The following KCNU1 variants were observed in gnomAD, a reference collection of about 807,000 sequenced individuals.
KCNU1 encodes the protein potassium calcium-activated channel subfamily U member 1, also known as potassium channel subfamily U member 1.
KCNU1 carries 93 observed loss-of-function variants against 126.8 expected under a neutral mutation model. The ratio of observed to expected loss-of-function variants is 0.73; its 90% CI spans 0.62 to 0.87. KCNU1 has a LOEUF of 0.87. KCNU1 is among the 40% of genes least tolerant of loss of function. The pLI is 0.00. For synonymous variants in KCNU1, 523 were observed against 494.2 expected (o/e 1.06, Z -0.77); for missense variants, 1,330 against 1,367.1 (o/e 0.97, Z 0.43).
chr8:36,787,246 G>C (rs1802738649), intron 1 of KCNU1, 60 bp from the exon 2 acceptor site: 9 of 1,484,166 alleles, frequency 6.1e-6, no homozygotes, highest in Non-Finnish European at 8.2e-6. Flanking sequence ...AACGTAAGTA[G>C]AACAGATTTC....
chr8:36,921,120 G>A (rs1273964955), intron 23 of KCNU1, among the ~76,000 whole-genome samples: 1 of 152,046 alleles, frequency 6.6e-6, no homozygotes, highest in Non-Finnish European at 1.5e-5. Flanking sequence ...TAAGACTCCT[G>A]GATCAGAGAC....
intron 2 of KCNU1, among the ~76,000 whole-genome samples, chr8:36,802,146 AGAGCT>A (rs1803336133): frequency 6.6e-6 from 1 of 151,098 alleles, no homozygotes; most frequent in Non-Finnish European, 1.5e-5. Context: ...ACTTACGATA[AGAGCT>A]GAGACCCCAA....
chr8:36,798,308 A>C (rs575632485), intron 2 of KCNU1, among the ~76,000 whole-genome samples: 1 of 152,336 alleles, frequency 6.6e-6, no homozygotes, highest in East Asian at 1.9e-4. Context: ...ATTTAACCCT[A>C]TATATTGTGA....
intron 8 of KCNU1, among the ~76,000 whole-genome samples, chr8:36,815,036 G>A (rs1041469723): frequency 6.6e-6 from 1 of 152,048 alleles, no homozygotes; most frequent in African/African-American, 2.4e-5. Context: ...GAAGTTAGAA[G>A]CGATAAAAAG....
chr8:36,832,588 T>A (rs2130541788), intron 10 of KCNU1, among the ~76,000 whole-genome samples: 1 of 152,268 alleles, frequency 6.6e-6, no homozygotes, highest in South Asian at 2.1e-4. Flanking sequence ...TCTTCTTTGT[T>A]CAATATTTGC....
intron 2 of KCNU1, among the ~76,000 whole-genome samples, chr8:36,790,215 C>A (rs898942108): frequency 6.6e-6 from 1 of 152,024 alleles, no homozygotes; most frequent in African/African-American, 2.4e-5. Context: ...ATAAATGTAA[C>A]AAACCACAAA....
intron 18 of KCNU1, among the ~76,000 whole-genome samples, chr8:36,847,196 T>C (rs1204434722): frequency 6.6e-6 from 1 of 152,222 alleles, no homozygotes; most frequent in Non-Finnish European, 1.5e-5. Context: ...TCCTTGTCTT[T>C]TCATTCCTTT....
chr8:36,888,930 G>A (rs556799761), intron 19 of KCNU1: 3 of 401,782 alleles, frequency 7.5e-6, no homozygotes, highest in South Asian at 6.0e-5. Flanking sequence ...CCAGGCTGGA[G>A]TGCAGTGGCA....
intron 9 of KCNU1, among the ~76,000 whole-genome samples, 163 bp from the exon 10 acceptor site, chr8:36,817,487 A>G (rs920054494): frequency 2.5e-4 from 34 of 138,312 alleles, no homozygotes; most frequent in Admixed American, 7.7e-4. Context: ...CAGCAAGAGC[A>G]AAACTCCATC....
intron 8 of KCNU1, among the ~76,000 whole-genome samples, chr8:36,815,025 G>C (rs1481238318): frequency 6.6e-6 from 1 of 152,048 alleles, no homozygotes; most frequent in African/African-American, 2.4e-5. Context: ...GAGTGAGACG[G>C]GAAGTTAGAA....
chr8:36,923,554 C>T (rs189912602), intron 24 of KCNU1, among the ~76,000 whole-genome samples: 37 of 152,100 alleles, frequency 2.4e-4, no homozygotes, highest in African/African-American at 5.8e-4. Flanking sequence ...ATTGGTGCTG[C>T]GAAGAAAAGT....
intron 19 of KCNU1, among the ~76,000 whole-genome samples, chr8:36,874,536 G>C (rs1042916351): frequency 6.6e-6 from 1 of 152,102 alleles, no homozygotes; most frequent in African/African-American, 2.4e-5. Flanking sequence ...GTGCCACCAC[G>C]TGCCCTCCCT....
chr8:36,853,805 G>A (rs1289152959), intron 18 of KCNU1, among the ~76,000 whole-genome samples: 1 of 152,174 alleles, frequency 6.6e-6, no homozygotes, highest in Admixed American at 6.5e-5. Flanking sequence ...GTTGGTGTGT[G>A]TGTGTGTGAT....
chr8:36,932,154 G>T (rs1199462304), intron 25 of KCNU1, among the ~76,000 whole-genome samples: 2 of 152,142 alleles, frequency 1.3e-5, no homozygotes, highest in Middle Eastern at 3.2e-3. Flanking sequence ...AGCATTTCAG[G>T]TGTAAACCAC....
At chr8:36,836,712 AAAAG>A in intron 13 of KCNU1, 77 bp from the exon 14 acceptor site, 2 of 1,242,776 alleles carry the variant, frequency 1.6e-6, no homozygotes, top group Admixed American at 4.4e-5. Flanking sequence ...TAAATTTAAA[AAAAG>A]AAAGACATCC....
At chr8:36,934,123 T>C (rs1289583911) in intron 26 of KCNU1, among the ~76,000 whole-genome samples, 27 of 152,062 alleles carry the variant, frequency 1.8e-4, no homozygotes, top group Admixed American at 1.8e-3. Flanking sequence ...GTGTGATTTA[T>C]TGAAATGTAA....
In KCNU1 at chr8:36,798,341, A is replaced by G. The variant is rs536314614; in HGVS notation, c.316-5686A>G. Among the ~76,000 whole-genome samples the G allele has an allele frequency of 1.1e-4, 17 of 152,346 alleles. 3 individuals carry two copies. The highest frequency in any genetic ancestry group is 4.1e-4 in the African/African-American group (17 of 41,574). On this transcript the variant is annotated intron_variant, in intron 2 of 26. Coordinates refer to ENST00000399881, the MANE Select transcript of KCNU1 (RefSeq NM_001031836.3). ...TGAGTTACTTTCCAATCTGAATGGC[A>G]TAACATTATGCCAGAAGAAGAAAGT...
In KCNU1 at chr8:36,932,936, G is replaced by C; in HGVS notation, c.2948G>C (p.Gly983Ala). ...TCTCCCCAGCCAAGAAACACCTTTG[G>C]ACAACTGTTCTGTGGCTCATTAGAT... ...LSDVNPRNTFGQLFCGSLDLF... is the reference protein window; with the variant it reads ...LSDVNPRNTFAQLFCGSLDLF... The change falls in exon 26 of 27, where the codon GGA becomes GCA. Residue 983 changes from glycine (G) to alanine (A), a missense_variant. Gly to Ala is a moderately conservative substitution (Grantham distance 60). Transcript: ENST00000399881. 6.4e-7 allele frequency: 1 copy of C among 1,569,220 alleles called. No homozygotes were observed. Among genetic ancestry groups the C allele is most frequent in the Middle Eastern group, 1.7e-4 (1 of 5,996 alleles).
At chr8:36,903,832 C>T (rs1170617420) in intron 19 of KCNU1, among the ~76,000 whole-genome samples, 1 of 152,156 alleles carries the variant, frequency 6.6e-6, no homozygotes, top group Admixed American at 6.5e-5. Flanking sequence ...TCCTTCTTCA[C>T]ATGATGGCAG....
Sources: gnomAD v4.1 joint callset for allele counts (sites outside exome capture counted in the v4.1 genomes callset) on GRCh38, gnomAD v4.1.1 for gene constraint, MANE v1.5 for transcripts, NCBI Gene and HGNC (gene_info 2026-07-23, HGNC 2026-07-21) for gene names.